RUNDC3B: variants seen among roughly 807,000 people sequenced by gnomAD.
RUNDC3B encodes RUN domain-containing protein 3B.
Under a neutral mutation model 58.4 loss-of-function variants are expected in RUNDC3B, and 33 were observed. The ratio of observed to expected loss-of-function variants is 0.56; its 90% CI spans 0.43 to 0.75. The LOEUF (loss-of-function observed/expected upper bound fraction) is 0.75, where lower values mean the gene tolerates loss of function less well. Ranked by LOEUF, RUNDC3B falls within the 30% of genes least tolerant of loss-of-function variation. RUNDC3B has a pLI of 0.00. For missense variants in RUNDC3B, 501 were observed against 535.7 expected (o/e 0.94, Z 0.64); for synonymous variants, 193 against 195.2 (o/e 0.99, Z 0.10).
At chr7:87,687,162 C>G (rs1441424852) in intron 2 of RUNDC3B, among the ~76,000 whole-genome samples, 1 of 151,940 alleles carries the variant, frequency 6.6e-6, no homozygotes, top group Non-Finnish European at 1.5e-5. Flanking sequence ...AATATTTTTT[C>G]AGTTATATTT....
chr7:87,676,216 G>A (rs1395054930), intron 2 of RUNDC3B, among the ~76,000 whole-genome samples: 1 of 152,118 alleles, frequency 6.6e-6, no homozygotes, highest in African/African-American at 2.4e-5. Context: ...GATAGAACAA[G>A]ACCCTGTCTA....
rs562775726 is a variant in RUNDC3B, at chr7:87,747,378, G to A, written c.629+5799G>A. The stretch of plus-strand genomic sequence containing the variant: ...ACCAGCGCCTGTTCTGGCGGAGGTA[G>A]CAGGGGGGTGAGGGGTTGCAATGGA... On this transcript the variant is annotated intron_variant, in intron 6 of 10. Transcript: ENST00000394654. 1.2e-4 allele frequency among the ~76,000 whole-genome samples: 18 copies of A among 152,300 alleles called. No individual in the cohort carries two copies. In the South Asian group the frequency reaches 3.3e-3, roughly 28 times the overall value.
intron 4 of RUNDC3B, among the ~76,000 whole-genome samples, chr7:87,727,331 A>G (rs905377580): frequency 6.6e-6 from 1 of 152,184 alleles, no homozygotes; most frequent in African/African-American, 2.4e-5. Flanking sequence ...CAGCATATTA[A>G]CAGAAACAAA....
chr7:87,635,235 A>G (rs1221577492), intron 1 of RUNDC3B, among the ~76,000 whole-genome samples: 2 of 151,944 alleles, frequency 1.3e-5, no homozygotes, highest in Admixed American at 1.3e-4. Context: ...ATTGCTCCAC[A>G]CTCTTCTATC....
At chr7:87,636,335 G>A (rs931918317) in intron 1 of RUNDC3B, among the ~76,000 whole-genome samples, 4 of 152,164 alleles carry the variant, frequency 2.6e-5, no homozygotes, top group African/African-American at 9.7e-5. Context: ...ATGAAGTCAA[G>A]CACCTTTCCG....
At chr7:87,715,098 A>G (rs1184113827) in intron 4 of RUNDC3B, among the ~76,000 whole-genome samples, 1 of 150,128 alleles carries the variant, frequency 6.7e-6, no homozygotes, top group Non-Finnish European at 1.5e-5. Flanking sequence ...AAAAAGTTTG[A>G]CTTAAGTAAA....
intron 8 of RUNDC3B, among the ~76,000 whole-genome samples, chr7:87,801,344 G>C (rs957326011): frequency 6.6e-6 from 1 of 152,212 alleles, no homozygotes; most frequent in African/African-American, 2.4e-5. Flanking sequence ...ATGTGAGGAA[G>C]ACCAGTGAGG....
chr7:87,757,674 T>C (rs1833446001), intron 6 of RUNDC3B, among the ~76,000 whole-genome samples: 1 of 152,074 alleles, frequency 6.6e-6, no homozygotes, highest in Non-Finnish European at 1.5e-5. Flanking sequence ...TACAAAATTA[T>C]GTGGAACCAC....
intron 4 of RUNDC3B, among the ~76,000 whole-genome samples, chr7:87,738,888 T>C (rs865937057): frequency 6.6e-6 from 1 of 151,958 alleles, no homozygotes; most frequent in African/African-American, 2.4e-5. Context: ...TCAGAAATAC[T>C]GAAAAGAGCA....
At chr7:87,751,802 A>G (rs1325953440) in intron 6 of RUNDC3B, among the ~76,000 whole-genome samples, 1 of 151,806 alleles carries the variant, frequency 6.6e-6, no homozygotes, top group East Asian at 1.9e-4. Flanking sequence ...TTTTCTAGAC[A>G]TACCATGTCA....
Position 87,787,331 on chromosome 7 carries a change from GA to G in RUNDC3B, c.956+9377del, listed in dbSNP as rs528797589. ...AAATTTCCTTTGTTACTCCTGAGAA[GA>G]TAAAAGTAGCCCTCAGAAAATTAAA... On this transcript the variant is annotated intron_variant, in intron 8 of 10. Transcript: ENST00000394654. Among the ~76,000 whole-genome samples the G allele has an allele frequency of 1.6e-4, 24 of 152,210 alleles. No individual in the cohort carries two copies. The South Asian group carries it at 4.8e-3, about 30-fold the overall frequency.
chr7:87,721,841 C>G (rs1247712561), intron 4 of RUNDC3B, among the ~76,000 whole-genome samples: 1 of 151,280 alleles, frequency 6.6e-6, no homozygotes, highest in African/African-American at 2.4e-5. Flanking sequence ...TTGAGTTCTG[C>G]TTGAACTTTT....
chr7:87,736,872 TA>T lies in RUNDC3B; in HGVS notation c.459-2918del, dbSNP rs1563173069. On this transcript the variant is annotated intron_variant, in intron 4 of 10. Transcript: ENST00000394654. ...ATATATACCTATATATATATATATA[TA>T]TATATATATATATATATTTTTTTTT... Among the ~76,000 whole-genome samples, 225 of 39,804 alleles carry T rather than the reference TA, an allele frequency of 5.7e-3. 1 individual carries two copies. Among genetic ancestry groups the T allele is most frequent in the African/African-American group, 0.02 (204 of 9,964 alleles). 26.1% of individuals were successfully genotyped at this position (39,804 alleles called of 152,430 possible).
At chr7:87,806,880 A>G (rs1321388909) in intron 8 of RUNDC3B, among the ~76,000 whole-genome samples, 1 of 152,084 alleles carries the variant, frequency 6.6e-6, no homozygotes, top group Non-Finnish European at 1.5e-5. Context: ...TGAGAATCTC[A>G]TGGATTTTTT....
intron 3 of RUNDC3B, among the ~76,000 whole-genome samples, chr7:87,706,038 T>C (rs1267591750): frequency 6.6e-6 from 1 of 152,202 alleles, no homozygotes; most frequent in Non-Finnish European, 1.5e-5. Context: ...TTAATAGCAG[T>C]TCTTGTTTTT....
chr7:87,806,859 A>C (rs1428583802), intron 8 of RUNDC3B, among the ~76,000 whole-genome samples: 1 of 152,192 alleles, frequency 6.6e-6, no homozygotes, highest in East Asian at 1.9e-4. Context: ...AAAGAAAAGA[A>C]AAAATAGTTA....
chr7:87,816,169 T>G lies in RUNDC3B; in HGVS notation c.1132T>G (p.Ser378Ala), dbSNP rs1242404646. The G allele has an allele frequency of 6.2e-7, 1 of 1,609,336 alleles. No homozygotes were observed. Among genetic ancestry groups the G allele is most frequent in the Non-Finnish European group, 8.5e-7 (1 of 1,175,920 alleles). ...EKSYQSLDQL[S>A]AEVSLSQTSL... ...AAGTTATCAAAGTCTTGACCAGTTA[T>G]CAGCAGAAGTTAGCCTTTCTCAGAC... The change falls in exon 10 of 11, where the codon TCA becomes GCA. Residue 378 changes from serine (S) to alanine (A), a missense_variant. Ser to Ala is a moderately conservative substitution (Grantham distance 99). Coordinates refer to ENST00000394654, the MANE Select transcript of RUNDC3B (RefSeq NM_001134405.2).
At chr7:87,738,276 T>C in intron 4 of RUNDC3B, among the ~76,000 whole-genome samples, 1 of 152,058 alleles carries the variant, frequency 6.6e-6, no homozygotes, top group South Asian at 2.1e-4. Context: ...GGACAAAGTC[T>C]CAAACATACA....
intron 7 of RUNDC3B, among the ~76,000 whole-genome samples, chr7:87,775,371 G>A (rs938735779): frequency 1.3e-5 from 2 of 152,150 alleles, no homozygotes; most frequent in East Asian, 1.9e-4. Context: ...AAAAGAAAAT[G>A]TTTTTGTATA....
Sources: allele counts gnomAD v4.1 joint callset (sites outside exome capture counted in the v4.1 genomes callset), GRCh38; gene constraint gnomAD v4.1.1; transcripts MANE v1.5; gene names NCBI Gene and HGNC (gene_info 2026-07-23, HGNC 2026-07-21).